DBNL: variants seen among roughly 807,000 people sequenced by gnomAD.
DBNL encodes the protein drebrin like.
DBNL carries 35 observed loss-of-function variants against 62.2 expected under a neutral mutation model. That is an observed-to-expected ratio of 0.56 (90% CI 0.43 to 0.75). The LOEUF (loss-of-function observed/expected upper bound fraction) is 0.75. Among genes scored for constraint, DBNL ranks in the 30% least tolerant of loss-of-function variants. DBNL has a pLI of 0.00. For missense variants in DBNL, 495 were observed against 578.4 expected, an observed-to-expected ratio of 0.86 and a Z score of 1.48; for synonymous variants, 197 against 218.0, an observed-to-expected ratio of 0.90 and a Z score of 0.85.
chr7:44,058,397 G>A, intron 7 of DBNL, 35 bp from the exon 8 acceptor site: 1 of 1,614,084 alleles, frequency 6.2e-7, no homozygotes, highest in Non-Finnish European at 8.5e-7. Context: ...CTGTGACTGT[G>A]CCTCAGCTGT....
intron 4 of DBNL, among the ~76,000 whole-genome samples, chr7:44,053,845 T>A (rs1294934485): frequency 6.6e-6 from 1 of 151,634 alleles, no homozygotes; most frequent in Non-Finnish European, 1.5e-5. Context: ...CCCAGCTAAT[T>A]TTTTGTATTT....
Position 44,064,613 on chromosome 7 carries a change from C to T in DBNL, c.*3697C>T, listed in dbSNP as rs530680932. On this transcript the variant is annotated 3_prime_UTR_variant, in exon 13 of 13. Transcript: ENST00000448521. ...CCCCACCTCGGGACACAGCGAGCTT[C>T]GAGTGCAGTCAGCCCCTGTGGAGTG... The T allele has an allele frequency of 1.7e-5, 10 of 584,912 alleles. No homozygotes were observed. Among genetic ancestry groups the T allele is most frequent in the South Asian group, 1.4e-4 (7 of 50,578 alleles). 36.2% of individuals were successfully genotyped at this position (584,912 alleles called of 1,614,324 possible).
chr7:44,059,514 G>A lies in DBNL; in HGVS notation c.932-29G>A, dbSNP rs1413428053. On this transcript the variant is annotated intron_variant, in intron 10 of 12. Transcript: ENST00000448521. This position sits in a 1 kb window ranked among gnomAD's most constrained non-coding sequence, Gnocchi z 4.1. The stretch of plus-strand genomic sequence containing the variant: ...CAGTGGAGAAGGGGGATGTGTGGGA[G>A]TGAGAACCTGCTGTGTTCCCTGGTG... The A allele has an allele frequency of 5.0e-6, 8 of 1,613,486 alleles. No individual in the cohort carries two copies. Among genetic ancestry groups the A allele is most frequent in the Admixed American group, 1.7e-5 (1 of 59,976 alleles).
At position 44,059,972 on chromosome 7, in the gene DBNL, C is replaced by A; in HGVS notation, c.1048-76C>A. ...GCCCTCTGCGTACTCCCAGCTTGAC[C>A]TGAGCCATGTGGGGCAGAGCAGCGA... On this transcript the variant is annotated intron_variant, in intron 11 of 12. Transcript: ENST00000448521. This position sits in a 1 kb window ranked among gnomAD's most constrained non-coding sequence, Gnocchi z 4.1. The A allele has an allele frequency of 6.8e-7, 1 of 1,462,408 alleles. No homozygotes were observed. Among genetic ancestry groups the A allele is most frequent in the Non-Finnish European group, 9.4e-7 (1 of 1,062,158 alleles). The allele number at this position is 1,462,408 out of a possible 1,614,324, so 90.6% of individuals were successfully genotyped here.
Position 44,059,764 on chromosome 7 carries a change from C to T in DBNL, c.1047+106C>T. ...GGGGCATGCAACAGGTTTTAAAGCA[C>T]ATGCATTTTTGGAGCAGCCCTGTGT... On this transcript the variant is annotated intron_variant, in intron 11 of 12. Transcript: ENST00000448521. The surrounding 1 kb of genome is among the most constrained non-coding windows in gnomAD (Gnocchi z 4.1). 1.8e-6 allele frequency: 2 copies of T among 1,135,656 alleles called. No homozygotes were observed. The highest frequency in any genetic ancestry group is 2.5e-6 in the Non-Finnish European group (2 of 807,920). 70.3% of individuals were successfully genotyped at this position (1,135,656 alleles called of 1,614,324 possible).
chr7:44,068,326 GGA>G lies in DBNL; in HGVS notation c.*7415_*7416del, dbSNP rs1442845573. The G allele has an allele frequency of 6.6e-6, 1 of 152,178 alleles. No individual in the cohort carries two copies. The highest frequency in any genetic ancestry group is 1.5e-5 in the Non-Finnish European group (1 of 68,060). The allele number at this position is 152,178 out of a possible 1,614,324, so 9.4% of individuals were successfully genotyped here. A position where few individuals can be genotyped will look rare whatever the true frequency, so the allele number is the denominator to read the frequency against. On this transcript the variant is annotated 3_prime_UTR_variant, in exon 13 of 13. Coordinates refer to ENST00000448521, the MANE Select transcript of DBNL (RefSeq NM_001014436.3). ...GTGTTTCAGGGAGAGTACAGAGAAG[GGA>G]GAGATGAAGTGAGTGATCCGATAAA...
intron 6 of DBNL, 110 bp from the exon 7 acceptor site, chr7:44,058,019 C>T (rs140162073): frequency 4.6e-6 from 7 of 1,519,428 alleles, no homozygotes; most frequent in Middle Eastern, 1.8e-4. Context: ...GGCTAATGAT[C>T]GACTGGCTCT....
At chr7:44,048,852 T>C (rs966521512) in intron 1 of DBNL, among the ~76,000 whole-genome samples, 1 of 152,288 alleles carries the variant, frequency 6.6e-6, no homozygotes, top group Admixed American at 6.5e-5. Flanking sequence ...ACCAGAGTTT[T>C]GTTTTTGTTT....
Position 44,060,942 on chromosome 7 carries a change from CCT to C in DBNL, c.*30_*31del. On this transcript the variant is annotated 3_prime_UTR_variant, in exon 13 of 13. Transcript: ENST00000448521. The surrounding 1 kb of genome is among the most constrained non-coding windows in gnomAD (Gnocchi z 6.3). ...GGCTGAGGGCACATCTTGCCCTTCC[CCT>C]CTCAGACATGGCTTCCTTATTGCTG... The C allele has an allele frequency of 6.2e-7, 1 of 1,606,854 alleles. No individual in the cohort carries two copies. Among genetic ancestry groups the C allele is most frequent in the Non-Finnish European group, 8.5e-7 (1 of 1,175,834 alleles).
At chr7:44,051,973 C>T (rs1246549307) in intron 3 of DBNL, 31 bp downstream of exon 3, 1 of 1,588,576 alleles carries the variant, frequency 6.3e-7, no homozygotes, top group Admixed American at 1.7e-5. Context: ...CTAGGTGTGA[C>T]CCAGGAAACC....
rs2096161945 is a variant in DBNL, at chr7:44,067,374, C to T, written c.*6458C>T. ...AGGAGTGGAAGTAGAAGCTGAGTAC[C>T]CTGCAGGTCTCGGCAGCTTTGATGA... On this transcript the variant is annotated 3_prime_UTR_variant, in exon 13 of 13. Transcript: ENST00000448521. 3 of 152,258 alleles carry T rather than the reference C, an allele frequency of 2.0e-5. No homozygotes were observed. Among genetic ancestry groups the T allele is most frequent in the East Asian group, 1.9e-4 (1 of 5,186 alleles). The allele number at this position is 152,258 out of a possible 1,614,324, so 9.4% of individuals were successfully genotyped here.
In DBNL at chr7:44,066,131, A is replaced by C. The variant is rs1371783751; in HGVS notation, c.*5215A>C. 1 of 174,038 alleles carries C rather than the reference A, an allele frequency of 5.7e-6. No individual in the cohort carries two copies. The highest frequency in any genetic ancestry group is 5.4e-5 in the Admixed American group (1 of 18,624). The allele number at this position is 174,038 out of a possible 1,614,324, so 10.8% of individuals were successfully genotyped here. A position where few individuals can be genotyped will look rare whatever the true frequency, so the allele number is the denominator to read the frequency against. ...AGGGCTGGGGCTGAGCCGGGTTTCC[A>C]GGACAAAGGGGGAAAGGGCCCCTGT... On this transcript the variant is annotated 3_prime_UTR_variant, in exon 13 of 13. Transcript: ENST00000448521.
At chr7:44,048,048 C>T (rs1459410646) in intron 1 of DBNL, among the ~76,000 whole-genome samples, 4 of 151,866 alleles carry the variant, frequency 2.6e-5, no homozygotes, top group Non-Finnish European at 4.4e-5. Flanking sequence ...TCCCAAGTAG[C>T]TGGGATTACA....
chr7:44,065,704 G>T lies in DBNL; in HGVS notation c.*4788G>T. 1 of 669,124 alleles carries T rather than the reference G, an allele frequency of 1.5e-6. No individual in the cohort carries two copies. The highest frequency in any genetic ancestry group is 2.7e-6 in the Non-Finnish European group (1 of 374,950). The allele number at this position is 669,124 out of a possible 1,614,324, so 41.4% of individuals were successfully genotyped here. ...GCTGGGGGCTGGGGGCCAGGGGAGTGTGCAGGCCAAGAGGCTGTGCTTAAA... is the reference window on the plus strand; with the variant it reads ...GCTGGGGGCTGGGGGCCAGGGGAGTTTGCAGGCCAAGAGGCTGTGCTTAAA... On this transcript the variant is annotated 3_prime_UTR_variant, in exon 13 of 13. Transcript: ENST00000448521.
chr7:44,056,677 C>T (rs944122596), intron 4 of DBNL, 80 bp from the exon 5 acceptor site: 20 of 1,572,294 alleles, frequency 1.3e-5, no homozygotes, highest in Admixed American at 1.8e-5. Flanking sequence ...AGTAGTGGCC[C>T]GTGCTGTATG....
chr7:44,060,286 AGGGGTAG>A lies in DBNL; in HGVS notation c.1153+134_1153+140del. The A allele has an allele frequency of 1.3e-6, 1 of 780,654 alleles. No homozygotes were observed. Among genetic ancestry groups the A allele is most frequent in the Non-Finnish European group, 2.1e-6 (1 of 485,046 alleles). 48.4% of individuals were successfully genotyped at this position (780,654 alleles called of 1,614,324 possible). ...AGACAGGAGGGTGGGCGGTGCGTTT[AGGGGTAG>A]AAGCACCTCTGGAGTGGGGGTGACT... On this transcript the variant is annotated intron_variant, in intron 12 of 12. Coordinates refer to ENST00000448521, the MANE Select transcript of DBNL (RefSeq NM_001014436.3). This position sits in a 1 kb window ranked among gnomAD's most constrained non-coding sequence, Gnocchi z 6.3.
At chr7:44,054,992 C>T (rs544408878) in intron 4 of DBNL, among the ~76,000 whole-genome samples, 29 of 152,166 alleles carry the variant, frequency 1.9e-4, no homozygotes, top group African/African-American at 7.0e-4. Flanking sequence ...AATAATATTC[C>T]CTCATGTTTA....
chr7:44,051,739 T>G (rs1483481351), intron 2 of DBNL, 91 bp from the exon 3 acceptor site: 1 of 1,195,524 alleles, frequency 8.4e-7, no homozygotes, highest in East Asian at 2.4e-5. Context: ...AAGCCCTGGT[T>G]TAGAAGCAGC....
At position 44,066,143 on chromosome 7, in the gene DBNL, G is replaced by A. The variant is rs568775773; in HGVS notation, c.*5227G>A. On this transcript the variant is annotated 3_prime_UTR_variant, in exon 13 of 13. Coordinates refer to ENST00000448521, the MANE Select transcript of DBNL (RefSeq NM_001014436.3). The stretch of plus-strand genomic sequence containing the variant: ...GAGCCGGGTTTCCAGGACAAAGGGG[G>A]AAAGGGCCCCTGTCTTTCCTCCGGG... The A allele has an allele frequency of 4.1e-4, 71 of 171,946 alleles. No individual in the cohort carries two copies. The highest frequency in any genetic ancestry group is 7.0e-4 in the Non-Finnish European group (55 of 78,042). 10.7% of individuals were successfully genotyped at this position (171,946 alleles called of 1,614,324 possible).
Sources: allele counts gnomAD v4.1 joint callset (sites outside exome capture counted in the v4.1 genomes callset), GRCh38; gene constraint gnomAD v4.1.1; non-coding constraint Gnocchi (gnomAD v3.1); transcripts MANE v1.5; gene names NCBI Gene and HGNC (gene_info 2026-07-23, HGNC 2026-07-21).